GLIS3: variants seen among roughly 807,000 people sequenced by gnomAD.
The protein encoded by GLIS3 is GLIS family zinc finger 3.
GLIS3 carries 53 observed loss-of-function variants against 78.6 expected under a neutral mutation model. That is an observed-to-expected ratio of 0.67 (90% CI 0.54 to 0.85). The LOEUF (loss-of-function observed/expected upper bound fraction) is 0.85, where lower values mean the gene tolerates loss of function less well. GLIS3 is among the 40% of genes least tolerant of loss of function. The pLI, the probability that GLIS3 is intolerant of heterozygous loss-of-function variation, is 0.00. For synonymous variants in GLIS3, 684 were observed against 509.9 expected (o/e 1.34, Z -4.60); for missense variants, 1,703 against 1,231.1 (o/e 1.38, Z -5.74).
chr9:4,297,676 C>A (rs930821797), intron 1 of GLIS3, among the ~76,000 whole-genome samples: 6 of 152,152 alleles, frequency 3.9e-5, no homozygotes, highest in Non-Finnish European at 8.8e-5. Context: ...AAGCACCTCC[C>A]TACCCCTTCC....
intron 2 of GLIS3, among the ~76,000 whole-genome samples, chr9:4,246,835 C>T (rs374958393): frequency 6.6e-6 from 1 of 152,108 alleles, no homozygotes; most frequent in East Asian, 1.9e-4. Context: ...AATTGTGTTT[C>T]ATTGGTTTTT....
intron 1 of GLIS3, among the ~76,000 whole-genome samples, chr9:4,290,161 T>G (rs948251340): frequency 1.3e-5 from 2 of 151,990 alleles, no homozygotes; most frequent in Non-Finnish European, 2.9e-5. Flanking sequence ...CCATCTAGAG[T>G]CATAACTCAT....
chr9:4,369,270 G>A, the GLIS3 span, among the ~76,000 whole-genome samples: 70 of 152,158 alleles, frequency 4.6e-4, 2 homozygotes, highest in South Asian at 0.014. Flanking sequence ...ATCCCAGGAA[G>A]GGAAGCTTTC....
intron 9 of GLIS3, among the ~76,000 whole-genome samples, chr9:3,840,930 T>G (rs1023552867): frequency 3.9e-5 from 6 of 152,106 alleles, no homozygotes; most frequent in Non-Finnish European, 8.8e-5. Flanking sequence ...TTTTGGCCCT[T>G]AGACTTATAT....
In GLIS3 at chr9:4,296,201, C is replaced by T. The variant is rs527459320; in HGVS notation, c.-99+3220G>A. On this transcript the variant is annotated intron_variant, in intron 1 of 10. Coordinates refer to ENST00000381971, the MANE Select transcript of GLIS3 (RefSeq NM_001042413.2). ...GAAGAGTAAATTAACACTCCAACTC[C>T]AAAGATCAATAATTATAATATGAGA... Among the ~76,000 whole-genome samples, 3 of 148,446 alleles carry T rather than the reference C, an allele frequency of 2.0e-5. No homozygotes were observed. In the East Asian group the frequency reaches 6.1e-4, roughly 30 times the overall value.
the GLIS3 span, among the ~76,000 whole-genome samples, chr9:4,470,835 G>T: frequency 2.0e-5 from 3 of 151,898 alleles, no homozygotes; most frequent in Admixed American, 2.0e-4. Context: ...CAGATGACAT[G>T]ATTGTATATC....
intron 9 of GLIS3, among the ~76,000 whole-genome samples, chr9:3,848,808 C>G (rs1223069639): frequency 6.6e-6 from 1 of 152,202 alleles, no homozygotes; most frequent in Non-Finnish European, 1.5e-5. Flanking sequence ...GCTGGAAACC[C>G]TTTGTTTCTT....
chr9:4,462,638 C>CACA, the GLIS3 span, among the ~76,000 whole-genome samples: 3 of 140,732 alleles, frequency 2.1e-5, no homozygotes, highest in South Asian at 6.8e-4. Context: ...CACACAGACA[C>CACA]GCACACACAC....
intron 4 of GLIS3, among the ~76,000 whole-genome samples, chr9:3,985,837 C>A (rs540651889): frequency 3.3e-4 from 51 of 152,326 alleles, no homozygotes; most frequent in Non-Finnish European, 7.2e-4. Context: ...TGTGATGGAA[C>A]AATCTACTTT....
intron 4 of GLIS3, among the ~76,000 whole-genome samples, chr9:3,960,471 T>C (rs970654176): frequency 6.6e-6 from 1 of 152,214 alleles, no homozygotes; most frequent in African/African-American, 2.4e-5. Context: ...GGTTTATTTA[T>C]TACTTGTCTC....
At chr9:4,315,079 CTCA>C (rs1326220021) in intron 2 of GLIS3, among the ~76,000 whole-genome samples, 2 of 152,226 alleles carry the variant, frequency 1.3e-5, no homozygotes, top group African/African-American at 2.4e-5. Context: ...TGTGTACTGA[CTCA>C]ACCAGAGTGT....
intron 2 of GLIS3, among the ~76,000 whole-genome samples, chr9:4,243,027 C>G (rs1229282559): frequency 6.6e-6 from 1 of 152,076 alleles, no homozygotes; most frequent in Non-Finnish European, 1.5e-5. Flanking sequence ...TTAGTATATT[C>G]CAGATATTCT....
intron 1 of GLIS3, among the ~76,000 whole-genome samples, chr9:4,298,000 T>G (rs1321546323): frequency 6.6e-6 from 1 of 152,036 alleles, no homozygotes; most frequent in African/African-American, 2.4e-5. Context: ...TGCGACCCCG[T>G]CACTCCCCCG....
intron 4 of GLIS3, among the ~76,000 whole-genome samples, chr9:4,063,238 AT>A (rs1009236347): frequency 1.6e-4 from 24 of 152,316 alleles, no homozygotes; most frequent in African/African-American, 5.0e-4. Flanking sequence ...ATGTGTTTTT[AT>A]TCCCCACTTA....
intron 2 of GLIS3, among the ~76,000 whole-genome samples, chr9:4,168,982 G>C (rs1056635964): frequency 1.3e-5 from 2 of 152,178 alleles, no homozygotes; most frequent in African/African-American, 4.8e-5. Context: ...TAACTGATGA[G>C]CTTTTTAAAC....
intron 4 of GLIS3, among the ~76,000 whole-genome samples, chr9:4,112,620 G>C (rs1831312474): frequency 1.3e-5 from 2 of 152,150 alleles, no homozygotes; most frequent in African/African-American, 2.4e-5. Context: ...TACAGCCTCA[G>C]AAGTTCTAAG....
chr9:4,234,781 G>A (rs1822563688), intron 2 of GLIS3, among the ~76,000 whole-genome samples: 2 of 152,190 alleles, frequency 1.3e-5, no homozygotes, highest in Non-Finnish European at 2.9e-5. Context: ...GCTTGTATTT[G>A]TGTGTTTATT....
the GLIS3 span, among the ~76,000 whole-genome samples, chr9:4,364,134 C>A: frequency 2.1e-4 from 32 of 152,156 alleles, no homozygotes; most frequent in Non-Finnish European, 4.1e-4. Flanking sequence ...ATAAAATATC[C>A]AAGGGTCTCA....
At chr9:4,237,865 AT>A (rs2129643801) in intron 2 of GLIS3, among the ~76,000 whole-genome samples, 1 of 152,248 alleles carries the variant, frequency 6.6e-6, no homozygotes, top group African/African-American at 2.4e-5. Context: ...TCAGCATTTT[AT>A]CAGTTTGATG....
Sources: allele counts gnomAD v4.1 joint callset (sites outside exome capture counted in the v4.1 genomes callset), GRCh38; gene constraint gnomAD v4.1.1; transcripts MANE v1.5; gene names NCBI Gene and HGNC (gene_info 2026-07-23, HGNC 2026-07-21).